The following CSMD2 variants were observed in gnomAD, a reference collection of about 807,000 sequenced individuals.
CSMD2 encodes the protein CUB and sushi domain-containing protein 2.
Under a neutral mutation model 398.5 loss-of-function variants are expected in CSMD2, and 130 were observed. The observed-to-expected ratio is 0.33, with a 90% confidence interval of 0.28 to 0.38. CSMD2 has a LOEUF of 0.38. Ranked by LOEUF, CSMD2 falls within the 10% of genes least tolerant of loss-of-function variation. The pLI is 1.00. For missense variants in CSMD2, 3,829 were observed against 4,764.9 expected (o/e 0.80, Z 5.78); for synonymous variants, 1,828 against 1,908.5 (o/e 0.96, Z 1.10).
At chr1:34,042,726 C>A (rs979151454) in intron 2 of CSMD2, among the ~76,000 whole-genome samples, 1 of 152,176 alleles carries the variant, frequency 6.6e-6, no homozygotes, top group Non-Finnish European at 1.5e-5. Context: ...CAAGACCTGG[C>A]CTGCCTTTCT....
intron 56 of CSMD2, among the ~76,000 whole-genome samples, chr1:33,546,501 C>T (rs1304516845): frequency 6.6e-6 from 1 of 152,186 alleles, no homozygotes; most frequent in Non-Finnish European, 1.5e-5. Context: ...TTCAGTGATC[C>T]AAACTGGCCA....
At chr1:33,619,812 G>A (rs1557632853) in intron 37 of CSMD2, among the ~76,000 whole-genome samples, 1 of 151,894 alleles carries the variant, frequency 6.6e-6, no homozygotes, top group Non-Finnish European at 1.5e-5. Flanking sequence ...AGACCCCAAG[G>A]ACAAGCATTA....
At chr1:33,957,173 C>A (rs1296815573) in intron 3 of CSMD2, among the ~76,000 whole-genome samples, 1 of 152,040 alleles carries the variant, frequency 6.6e-6, no homozygotes, top group East Asian at 1.9e-4. Flanking sequence ...GCTGTCTTTC[C>A]CCCCTTTGTT....
intron 24 of CSMD2, among the ~76,000 whole-genome samples, chr1:33,694,162 C>A (rs1345037585): frequency 1.3e-5 from 2 of 152,198 alleles, no homozygotes; most frequent in African/African-American, 4.8e-5. Context: ...GGAAGTCAGA[C>A]ACATTGTGCG....
chr1:33,915,439 G>A (rs1054666109), intron 5 of CSMD2, among the ~76,000 whole-genome samples: 1 of 152,156 alleles, frequency 6.6e-6, no homozygotes, highest in African/African-American at 2.4e-5. Flanking sequence ...TCCTGGCAGT[G>A]GTGACACCAA....
intron 55 of CSMD2, among the ~76,000 whole-genome samples, chr1:33,556,775 T>C (rs993404654): frequency 6.6e-6 from 1 of 152,176 alleles, no homozygotes; most frequent in African/African-American, 2.4e-5. Context: ...ATTCTCATGA[T>C]AGTGAGTGAG....
chr1:33,550,293 T>C lies in CSMD2; in HGVS notation c.8801A>G (p.Tyr2934Cys), dbSNP rs1398714912. Residue 2934 changes from tyrosine (Y) to cysteine (C), a missense_variant, in exon 56 of 71, where the codon TAT becomes TGT. This residue lies in a region of CSMD2 where 917 missense variants were observed against 1,199.5 expected (regional missense o/e 0.76). Coordinates refer to ENST00000373381, the MANE Select transcript of CSMD2 (RefSeq NM_001281956.2). ...GTACCGCACCACTGCTCCCACAGTA[T>C]AACTGTCTCCAGACATCTGGGAGTG... The part of the protein sequence containing the change: ...PPHSQMSGDS[Y>C]TVGAVVRYSC... The C allele has an allele frequency of 6.2e-7, 1 of 1,614,208 alleles. No individual in the cohort carries two copies. The highest frequency in any genetic ancestry group is 1.7e-5 in the Admixed American group (1 of 60,034).
In CSMD2 at chr1:34,125,596, C is replaced by G. The variant is rs75074045; in HGVS notation, c.188-36403G>C. On this transcript the variant is annotated intron_variant, in intron 1 of 70. Coordinates refer to ENST00000373381, the MANE Select transcript of CSMD2 (RefSeq NM_001281956.2). Reference sequence around the variant, plus strand: ...CCGTTCTGCAGAAGCCCTGCAGCACCGTGGTTGCTCACCAAAATAGCATCA... The same window carrying G: ...CCGTTCTGCAGAAGCCCTGCAGCACGGTGGTTGCTCACCAAAATAGCATCA... 9.5e-3 allele frequency among the ~76,000 whole-genome samples: 1,445 copies of G among 151,650 alleles called. 20 individuals carry two copies. Among genetic ancestry groups the G allele is most frequent in the African/African-American group, 0.034 (1,389 of 41,284 alleles).
In CSMD2 at chr1:33,633,377, GC is replaced by G; in HGVS notation, c.5200+44del. 1 of 1,407,978 alleles carries G rather than the reference GC, an allele frequency of 7.1e-7. No individual in the cohort carries two copies. Among genetic ancestry groups the G allele is most frequent in the Non-Finnish European group, 9.8e-7 (1 of 1,017,606 alleles). The allele number at this position is 1,407,978 out of a possible 1,614,324, so 87.2% of individuals were successfully genotyped here. A position where few individuals can be genotyped will look rare whatever the true frequency, so the allele number is the denominator to read the frequency against. Reference sequence around the variant, plus strand: ...CCTCCTTCCTTTAGCCGGACGTGATGCCCCCGGCCCACAACCATCCCCACAC... The same window carrying G: ...CCTCCTTCCTTTAGCCGGACGTGATGCCCCGGCCCACAACCATCCCCACAC... On this transcript the variant is annotated intron_variant, in intron 32 of 70. Transcript: ENST00000373381. The surrounding 1 kb of genome is among the most constrained non-coding windows in gnomAD (Gnocchi z 5.0).
chr1:33,601,799 G>A (rs1040453133), intron 43 of CSMD2, among the ~76,000 whole-genome samples: 76 of 152,186 alleles, frequency 5.0e-4, no homozygotes, highest in African/African-American at 1.7e-3. Context: ...GCCACACATG[G>A]CTATTTACAT....
At chr1:33,684,402 T>C (rs981413552) in intron 25 of CSMD2, among the ~76,000 whole-genome samples, 9 of 152,198 alleles carry the variant, frequency 5.9e-5, no homozygotes, top group Non-Finnish European at 1.3e-4. Context: ...CCACCTTCCA[T>C]GGGTCCCAGA....
intron 6 of CSMD2, among the ~76,000 whole-genome samples, chr1:33,840,591 CTGAG>C: frequency 6.6e-6 from 1 of 152,324 alleles, no homozygotes; most frequent in Non-Finnish European, 1.5e-5. Context: ...AGTTTGATGA[CTGAG>C]TGAATGAACG....
Position 33,635,096 on chromosome 1 carries a change from G to A in CSMD2, c.5086+118C>T. The A allele has an allele frequency of 3.0e-6, 2 of 667,484 alleles. No homozygotes were observed. The highest frequency in any genetic ancestry group is 1.7e-5 in the South Asian group (1 of 58,426). 41.3% of individuals were successfully genotyped at this position (667,484 alleles called of 1,614,324 possible). Reference sequence around the variant, plus strand: ...ACTCGGCCGTCCTTTTGGGGAGACTGTTCTGCGATTCCCACAATGGGGCTG... The same window carrying A: ...ACTCGGCCGTCCTTTTGGGGAGACTATTCTGCGATTCCCACAATGGGGCTG... On this transcript the variant is annotated intron_variant, in intron 31 of 70. Transcript: ENST00000373381. The surrounding 1 kb of genome is among the most constrained non-coding windows in gnomAD (Gnocchi z 5.0).
At chr1:34,095,771 G>C (rs905809882) in intron 1 of CSMD2, among the ~76,000 whole-genome samples, 4 of 150,606 alleles carry the variant, frequency 2.7e-5, no homozygotes, top group African/African-American at 7.3e-5. Flanking sequence ...ATAATCAATA[G>C]CTTACCAACC....
chr1:34,035,941 AT>A (rs1269888746), intron 2 of CSMD2, among the ~76,000 whole-genome samples: 1 of 152,232 alleles, frequency 6.6e-6, no homozygotes, highest in Admixed American at 6.5e-5. Flanking sequence ...CTTTAAGGAA[AT>A]ACAAATTAAG....
chr1:33,798,459 G>A (rs1248963162), intron 10 of CSMD2, among the ~76,000 whole-genome samples: 1 of 152,224 alleles, frequency 6.6e-6, no homozygotes, highest in Non-Finnish European at 1.5e-5. Context: ...AGAGGAGAGA[G>A]ATGGAAGGGG....
At chr1:34,080,881 A>T (rs1000976986) in intron 2 of CSMD2, among the ~76,000 whole-genome samples, 1 of 150,894 alleles carries the variant, frequency 6.6e-6, no homozygotes, top group Non-Finnish European at 1.5e-5. Flanking sequence ...CTTTAAAAAG[A>T]CCAATAAAAT....
intron 3 of CSMD2, among the ~76,000 whole-genome samples, chr1:34,007,103 C>T (rs1553278465): frequency 6.6e-6 from 1 of 152,076 alleles, no homozygotes; most frequent in Non-Finnish European, 1.5e-5. Flanking sequence ...TTATTTAAGT[C>T]GAAGTCCAGA....
At chr1:33,955,706 G>A (rs1645144484) in intron 3 of CSMD2, among the ~76,000 whole-genome samples, 1 of 152,100 alleles carries the variant, frequency 6.6e-6, no homozygotes, top group South Asian at 2.1e-4. Context: ...ATATGCCAGT[G>A]TGTGGAAGCT....
Sources: allele counts gnomAD v4.1 joint callset (sites outside exome capture counted in the v4.1 genomes callset), GRCh38; gene constraint gnomAD v4.1.1; regional missense constraint gnomAD v4.1.1; non-coding constraint Gnocchi (gnomAD v3.1); transcripts MANE v1.5; gene names NCBI Gene and HGNC (gene_info 2026-07-23, HGNC 2026-07-21).